The following CDC14A variants were observed in gnomAD, a reference collection of about 807,000 sequenced individuals.
CDC14A encodes the protein cell division cycle 14A, also known as dual specificity protein phosphatase CDC14A.
A neutral mutation model predicts 74.4 loss-of-function variants in CDC14A; 53 were observed. That is an observed-to-expected ratio of 0.71 (90% confidence interval 0.57 to 0.89). The LOEUF is 0.89. Among genes scored for constraint, CDC14A ranks in the 40% least tolerant of loss-of-function variants. The pLI is 0.00. For missense variants in CDC14A, 646 were observed against 713.7 expected, an observed-to-expected ratio of 0.91 and a Z score of 1.08; for synonymous variants, 247 against 258.4, an observed-to-expected ratio of 0.96 and a Z score of 0.43.
chr1:100,374,837 C>T (rs1417171388), intron 2 of CDC14A, among the ~76,000 whole-genome samples: 1 of 152,074 alleles, frequency 6.6e-6, no homozygotes, highest in African/African-American at 2.4e-5. Flanking sequence ...AATTTGTGGT[C>T]TAGACTAAAT....
intron 6 of CDC14A, 108 bp downstream of exon 6, chr1:100,440,106 G>C: frequency 1.3e-6 from 1 of 775,650 alleles, no homozygotes; most frequent in Non-Finnish European, 2.2e-6. Flanking sequence ...AGGGGAGCCA[G>C]TAAGTAGAAG....
chr1:100,351,667 C>T (rs1388753112), upstream of CDC14A: 4 of 1,370,000 alleles, frequency 2.9e-6, no homozygotes, highest in Non-Finnish European at 4.0e-6. Flanking sequence ...TCGCCCCGCC[C>T]CTCCGGGACC....
At chr1:100,390,899 C>G in intron 4 of CDC14A, 75 bp downstream of exon 4, 1 of 1,034,164 alleles carries the variant, frequency 9.7e-7, no homozygotes, top group Non-Finnish European at 1.5e-6. Context: ...AAATCCAAAC[C>G]AGTTTTTCAG....
intron 5 of CDC14A, among the ~76,000 whole-genome samples, chr1:100,428,981 A>G (rs1663284797): frequency 6.6e-6 from 1 of 151,966 alleles, no homozygotes; most frequent in South Asian, 2.1e-4. Flanking sequence ...GTGGGCGATC[A>G]CTTGAGGTCA....
intron 5 of CDC14A, among the ~76,000 whole-genome samples, chr1:100,433,155 G>A (rs1663917394): frequency 6.6e-6 from 1 of 152,072 alleles, no homozygotes; most frequent in Non-Finnish European, 1.5e-5. Context: ...GATCACAGGT[G>A]TGAGCCATCA....
intron 7 of CDC14A, among the ~76,000 whole-genome samples, chr1:100,452,364 T>A (rs1486418278): frequency 6.6e-6 from 1 of 151,908 alleles, no homozygotes; most frequent in African/African-American, 2.4e-5. Flanking sequence ...ACAAAAAAAT[T>A]AGTCGGGCCT....
rs551901238 is a variant in CDC14A, at chr1:100,517,056, C to T, written c.1756-1195C>T. ...TCGACACCGCTGTCTTTTCATTTCA[C>T]ATCTGTTATGACATTGTGGCTTTCG... is the stretch of plus-strand genomic sequence containing the variant. On this transcript the variant is annotated intron_variant, in intron 15 of 15. Coordinates refer to ENST00000336454, the MANE Select transcript of CDC14A (RefSeq NM_003672.4). Among the ~76,000 whole-genome samples, 5 of 152,360 alleles carry T rather than the reference C, an allele frequency of 3.3e-5. No individual in the cohort carries two copies. In the South Asian group the frequency reaches 1.0e-3, roughly 32 times the overall value.
At chr1:100,351,424 G>A (rs527531516), upstream of CDC14A, among the ~76,000 whole-genome samples, 24 of 152,308 alleles carry the variant, frequency 1.6e-4, no homozygotes, top group African/African-American at 4.8e-4. Context: ...CGTATGGAAG[G>A]GACTGCACTC....
At chr1:100,491,542 CTCTCTCTATATATATATA>C (rs1384372014) in intron 11 of CDC14A, among the ~76,000 whole-genome samples, 11 of 40,976 alleles carry the variant, frequency 2.7e-4, no homozygotes, top group African/African-American at 8.6e-4. Context: ...CTCTCTCTCT[CTCTCTCTATATATATATA>C]TATATATATA....
chr1:100,366,617 T>C (rs1653663279), intron 2 of CDC14A, among the ~76,000 whole-genome samples: 1 of 152,220 alleles, frequency 6.6e-6, no homozygotes, highest in Admixed American at 6.5e-5. Flanking sequence ...TGGGTGATCC[T>C]ACCCTTGTGA....
intron 4 of CDC14A, among the ~76,000 whole-genome samples, chr1:100,407,189 T>C (rs375863618): frequency 5.9e-5 from 9 of 152,002 alleles, no homozygotes; most frequent in East Asian, 5.8e-4. Flanking sequence ...AGGCTCTTTT[T>C]TGATTCCATA....
chr1:100,456,368 G>T (rs1666685095), intron 8 of CDC14A, among the ~76,000 whole-genome samples: 1 of 151,896 alleles, frequency 6.6e-6, no homozygotes, highest in African/African-American at 2.4e-5. Flanking sequence ...GACAACAGAG[G>T]TTCAAGAATA....
intron 4 of CDC14A, among the ~76,000 whole-genome samples, chr1:100,414,086 T>C (rs1661211892): frequency 1.3e-5 from 2 of 152,178 alleles, no homozygotes; most frequent in African/African-American, 2.4e-5. Flanking sequence ...TTAATGATAA[T>C]AGTGAATATA....
At chr1:100,456,348 A>T (rs1666682626) in intron 8 of CDC14A, among the ~76,000 whole-genome samples, 1 of 152,260 alleles carries the variant, frequency 6.6e-6, no homozygotes, top group African/African-American at 2.4e-5. Context: ...CTAGAAAACA[A>T]GTAATGATAG....
rs780896650 is a variant in CDC14A at position 100,498,171 on chromosome 1, A to G, written c.1385A>G (p.Asn462Ser). 7.4e-6 allele frequency: 12 copies of G among 1,614,042 alleles called. No individual in the cohort carries two copies. The African/African-American group carries it at 1.6e-4, about 22-fold the overall frequency. ...LSPSATAKRI[N>S]RTSLSSGATV... The stretch of plus-strand genomic sequence containing the variant: ...CCTTCAGCAACGGCCAAGAGGATCA[A>G]CAGAACTTCTTTGTCTTCGGGTGCC... The change falls in exon 14 of 16, where the codon AAC (asparagine) becomes AGC (serine). Residue 462 changes from asparagine to serine, a missense_variant. Coordinates refer to ENST00000336454, the MANE Select transcript of CDC14A (RefSeq NM_003672.4).
chr1:100,453,227 T>A (rs1212945047), intron 7 of CDC14A, among the ~76,000 whole-genome samples: 3 of 152,198 alleles, frequency 2.0e-5, no homozygotes, highest in Admixed American at 6.5e-5. Flanking sequence ...CCCTTGCCTC[T>A]CTCCATATGA....
chr1:100,499,605 A>G (rs1007740220), intron 15 of CDC14A: 3 of 599,620 alleles, frequency 5.0e-6, no homozygotes, highest in Non-Finnish European at 8.0e-6. Context: ...AATCACTCTG[A>G]ATATCTGGTG....
intron 7 of CDC14A, among the ~76,000 whole-genome samples, chr1:100,449,634 T>C (rs1665926899): frequency 6.6e-6 from 1 of 152,246 alleles, no homozygotes; most frequent in Non-Finnish European, 1.5e-5. Context: ...GCTCTTCTCA[T>C]GTAGCCTTGT....
At chr1:100,402,847 G>A (rs185068237) in intron 4 of CDC14A, among the ~76,000 whole-genome samples, 1 of 152,336 alleles carries the variant, frequency 6.6e-6, no homozygotes, top group African/African-American at 2.4e-5. Context: ...ACAGCATGCA[G>A]TGTGGAAGAG....
Sources: gnomAD v4.1 joint callset for allele counts (sites outside exome capture counted in the v4.1 genomes callset) on GRCh38, gnomAD v4.1.1 for gene constraint, MANE v1.5 for transcripts, NCBI Gene and HGNC (gene_info 2026-07-23, HGNC 2026-07-21) for gene names.